NMBR: variants seen among roughly 807,000 people sequenced by gnomAD.
NMBR encodes neuromedin B receptor.
NMBR carries 16 observed loss-of-function variants against 20.5 expected under a neutral mutation model. The ratio of observed to expected loss-of-function variants is 0.78; its 90% CI spans 0.53 to 1.19. The LOEUF (loss-of-function observed/expected upper bound fraction) is 1.19. Among genes scored for constraint, NMBR ranks in the 50% most tolerant of loss-of-function variants. The probability of loss-of-function intolerance (pLI) is 0.00; values close to 1 mark genes in which losing one functional copy is unlikely to be tolerated. For synonymous variants in NMBR, 212 were observed against 196.6 expected, an observed-to-expected ratio of 1.08 and a Z score of -0.65; for missense variants, 582 against 499.1, an observed-to-expected ratio of 1.17 and a Z score of -1.58.
chr6:142,096,866 T>G (rs998230751), intron 1 of NMBR, among the ~76,000 whole-genome samples: 2 of 151,696 alleles, frequency 1.3e-5, no homozygotes, highest in African/African-American at 4.8e-5. Context: ...CTGTATTGGG[T>G]GCATATATAT....
At chr6:142,097,796 A>G (rs947922661) in intron 1 of NMBR, among the ~76,000 whole-genome samples, 1 of 152,278 alleles carries the variant, frequency 6.6e-6, no homozygotes, top group East Asian at 1.9e-4. Context: ...GAAAAATGTT[A>G]ACAAGGCTCT....
intron 1 of NMBR, among the ~76,000 whole-genome samples, chr6:142,130,354 T>C (rs1373517929): frequency 6.6e-6 from 1 of 152,042 alleles, no homozygotes; most frequent in African/African-American, 2.4e-5. Context: ...AACTTTCTAA[T>C]GTAAGAAATG....
At chr6:142,096,907 A>G (rs1224979095) in intron 1 of NMBR, among the ~76,000 whole-genome samples, 2 of 151,536 alleles carry the variant, frequency 1.3e-5, no homozygotes, top group African/African-American at 4.9e-5. Context: ...TGTTGAATTG[A>G]TCCCTTTACC....
chr6:142,138,788 T>C (rs1778315997), intron 1 of NMBR, among the ~76,000 whole-genome samples: 2 of 152,212 alleles, frequency 1.3e-5, no homozygotes, highest in South Asian at 4.1e-4. Flanking sequence ...TTATTGAATG[T>C]CAGGCATTGT....
intron 1 of NMBR, among the ~76,000 whole-genome samples, chr6:142,091,010 A>C (rs1425592805): frequency 6.6e-6 from 1 of 152,078 alleles, no homozygotes; most frequent in Non-Finnish European, 1.5e-5. Flanking sequence ...ATTTTAAGTA[A>C]ATTTATATGT....
chr6:142,119,106 C>G (rs148370942), intron 1 of NMBR, among the ~76,000 whole-genome samples: 1 of 151,954 alleles, frequency 6.6e-6, no homozygotes, highest in Admixed American at 6.6e-5. Flanking sequence ...GGAGTAGGCT[C>G]TATAGCACCA....
In NMBR at chr6:142,074,788, G is replaced by C. The variant is rs1188799658; in HGVS notation, c.*860C>G. Among the ~76,000 whole-genome samples the C allele has an allele frequency of 6.6e-6, 1 of 152,052 alleles. No homozygotes were observed. The highest frequency in any genetic ancestry group is 1.5e-5 in the Non-Finnish European group (1 of 67,970). On this transcript the variant is annotated 3_prime_UTR_variant, in exon 4 of 4. Transcript: ENST00000258042. ...TATACTAAGATGGCCATGCAAACTT[G>C]TGAGTTGTAGCTTTGCAATTTGGGA... is the stretch of plus-strand genomic sequence containing the variant.
intron 1 of NMBR, among the ~76,000 whole-genome samples, chr6:142,131,140 C>A (rs373974147): frequency 1.3e-5 from 2 of 152,082 alleles, no homozygotes; most frequent in East Asian, 1.9e-4. Flanking sequence ...TCAAGAGTAG[C>A]CACATCCAGA....
Position 142,075,852 on chromosome 6 carries a change from A to G in NMBR, c.969T>C (p.Ala323=). The G allele has an allele frequency of 6.2e-7, 1 of 1,614,090 alleles. No individual in the cohort carries two copies. Among genetic ancestry groups the G allele is most frequent in the Non-Finnish European group, 8.5e-7 (1 of 1,179,978 alleles). Residue 323 remains alanine, a synonymous_variant, in exon 4 of 4, where the codon GCT becomes GCC. Transcript: ENST00000258042. ...SFGNSCVNPF[A]LYLLSESFRR... is the part of the protein sequence containing the mutation. The stretch of plus-strand genomic sequence containing the variant: ...TGAAGCTTTCACTGAGTAGGTAAAG[A>G]GCAAATGGGTTGACACAAGAATTGC...
Position 142,076,002 on chromosome 6 carries a change from GC to G in NMBR, c.818del (p.Gly273AlafsTer28), listed in dbSNP as rs749945798. ...TTGGAAACCAACAGAAGATGAAACA[GC>G]CCACAAAGACAAGCACAATTTTAGC... ...RLAKIVLVFV[G>X]CFIFCWFPNH... On this transcript the variant is annotated frameshift_variant, in exon 4 of 4. Coordinates refer to ENST00000258042, the MANE Select transcript of NMBR (RefSeq NM_002511.4). LOFTEE classifies it high-confidence loss of function. The G allele has an allele frequency of 6.2e-7, 1 of 1,607,492 alleles. No homozygotes were observed. The highest frequency in any genetic ancestry group is 1.3e-5 in the African/African-American group (1 of 74,594).
intron 2 of NMBR, among the ~76,000 whole-genome samples, chr6:142,082,503 A>G (rs1241278505): frequency 1.3e-5 from 2 of 152,238 alleles, no homozygotes; most frequent in African/African-American, 4.8e-5. Flanking sequence ...AAGTAAAAAA[A>G]AGAGAGAATA....
chr6:142,143,884 C>T (rs545692368), intron 1 of NMBR, among the ~76,000 whole-genome samples: 1 of 151,772 alleles, frequency 6.6e-6, no homozygotes, highest in Non-Finnish European at 1.5e-5. Context: ...TGAAGATAGG[C>T]ATATGGAATG....
chr6:142,134,244 A>G (rs1234195167), intron 1 of NMBR, among the ~76,000 whole-genome samples: 2 of 152,150 alleles, frequency 1.3e-5, no homozygotes, highest in Non-Finnish European at 2.9e-5. Flanking sequence ...TACTAATGTT[A>G]TCATTATTCT....
intron 1 of NMBR, among the ~76,000 whole-genome samples, chr6:142,117,102 G>A (rs896845476): frequency 9.9e-5 from 15 of 151,744 alleles, no homozygotes; most frequent in Non-Finnish European, 1.2e-4. Context: ...TAATGCTTGC[G>A]ATGATAAGGT....
intron 1 of NMBR, among the ~76,000 whole-genome samples, chr6:142,135,957 C>T (rs1331198626): frequency 8.0e-5 from 12 of 150,876 alleles, no homozygotes; most frequent in South Asian, 2.1e-4. Context: ...AATAAACATA[C>T]GTGTGCATGT....
intron 1 of NMBR, among the ~76,000 whole-genome samples, chr6:142,143,919 T>C (rs986363766): frequency 1.3e-5 from 2 of 152,194 alleles, no homozygotes; most frequent in Non-Finnish European, 2.9e-5. Context: ...ACTGGAAATA[T>C]GTTTGCTCGT....
At chr6:142,114,414 G>C (rs1777817541) in intron 1 of NMBR, among the ~76,000 whole-genome samples, 1 of 151,688 alleles carries the variant, frequency 6.6e-6, no homozygotes, top group Non-Finnish European at 1.5e-5. Context: ...TTCAGTAATT[G>C]AATGAGAATG....
In NMBR at chr6:142,075,252, A is replaced by G. The variant is rs1401934000; in HGVS notation, c.*396T>C. 1.3e-5 allele frequency among the ~76,000 whole-genome samples: 2 copies of G among 152,148 alleles called. No homozygotes were observed. The highest frequency in any genetic ancestry group is 4.8e-5 in the African/African-American group (2 of 41,444). ...ATATAGAAATTTATTTCATGCTTCAAGATAAAACAAAACCTAAGACAAATA... is the reference window on the plus strand; with the variant it reads ...ATATAGAAATTTATTTCATGCTTCAGGATAAAACAAAACCTAAGACAAATA... On this transcript the variant is annotated 3_prime_UTR_variant, in exon 4 of 4. Transcript: ENST00000258042.
Position 142,075,522 on chromosome 6 carries a change from T to A in NMBR, c.*126A>T. On this transcript the variant is annotated 3_prime_UTR_variant, in exon 4 of 4. Coordinates refer to ENST00000258042, the MANE Select transcript of NMBR (RefSeq NM_002511.4). Reference sequence around the variant, plus strand: ...AGTCTAGTGTAGAGAAAAAATGTCTTGCATTTTCTGAGTCAATCATGCAAT... The same window carrying A: ...AGTCTAGTGTAGAGAAAAAATGTCTAGCATTTTCTGAGTCAATCATGCAAT... 4.7e-6 allele frequency: 4 copies of A among 851,080 alleles called. No individual in the cohort carries two copies. Among genetic ancestry groups the A allele is most frequent in the Non-Finnish European group, 5.4e-6 (3 of 555,706 alleles). The allele number at this position is 851,080 out of a possible 1,614,324, so 52.7% of individuals were successfully genotyped here. A position where few individuals can be genotyped will look rare whatever the true frequency, so the allele number is the denominator to read the frequency against.
Sources: allele counts gnomAD v4.1 joint callset (sites outside exome capture counted in the v4.1 genomes callset), GRCh38; gene constraint gnomAD v4.1.1; transcripts MANE v1.5; gene names NCBI Gene and HGNC (gene_info 2026-07-23, HGNC 2026-07-21).